CNTN4: variants seen among roughly 807,000 people sequenced by gnomAD.
The protein encoded by CNTN4 is contactin 4.
CNTN4 carries 77 observed loss-of-function variants against 122.5 expected under a neutral mutation model. The ratio of observed to expected loss-of-function variants is 0.63; its 90% CI spans 0.52 to 0.76. The LOEUF is 0.76. Among genes scored for constraint, CNTN4 ranks in the 30% least tolerant of loss-of-function variants. CNTN4 has a pLI of 0.00. For missense variants in CNTN4, 1,256 were observed against 1,259.1 expected (o/e 1.00, Z 0.04); for synonymous variants, 512 against 447.0 (o/e 1.15, Z -1.83).
intron 4 of CNTN4, among the ~76,000 whole-genome samples, chr3:2,649,793 T>C (rs1336813791): frequency 6.6e-6 from 1 of 151,854 alleles, no homozygotes; most frequent in Non-Finnish European, 1.5e-5. Context: ...GCAAAGTAAA[T>C]TGAAACTCTT....
chr3:3,042,317 C>A lies in CNTN4; in HGVS notation c.2406C>A (p.Thr802=). ...CTCCATATTCATCTACAGAACCCAC[C>A]AAACCACCAGCCAGTATCTTTGCCA... ...TVVYSAEEEP[T]KPPASIFARS... is the part of the protein sequence containing the mutation. The change falls in exon 21 of 25, where the codon ACC becomes ACA. Residue 802 remains threonine (T), a synonymous_variant. Coordinates refer to ENST00000418658, the MANE Select transcript of CNTN4 (RefSeq NM_175607.3). The A allele has an allele frequency of 6.2e-7, 1 of 1,613,786 alleles. No homozygotes were observed. The highest frequency in any genetic ancestry group is 8.5e-7 in the Non-Finnish European group (1 of 1,179,674).
chr3:2,231,294 A>G (rs947767078), intron 2 of CNTN4, among the ~76,000 whole-genome samples: 3 of 152,324 alleles, frequency 2.0e-5, no homozygotes, highest in Non-Finnish European at 2.9e-5. Context: ...TCTGAATAGC[A>G]TGATAGTACA....
At chr3:2,485,405 A>G (rs558063095) in intron 3 of CNTN4, among the ~76,000 whole-genome samples, 2 of 152,068 alleles carry the variant, frequency 1.3e-5, no homozygotes, top group Non-Finnish European at 2.9e-5. Context: ...GAGAACCTTT[A>G]TGTCTAGCTA....
At chr3:2,476,625 G>A (rs1439062382) in intron 3 of CNTN4, among the ~76,000 whole-genome samples, 1 of 152,188 alleles carries the variant, frequency 6.6e-6, no homozygotes, top group Non-Finnish European at 1.5e-5. Context: ...GAGACAGGAA[G>A]TAGAATAGTA....
chr3:2,847,959 T>A (rs564534334), intron 7 of CNTN4, among the ~76,000 whole-genome samples: 6 of 152,212 alleles, frequency 3.9e-5, no homozygotes, highest in Non-Finnish European at 8.8e-5. Flanking sequence ...TGGTATTGTA[T>A]CTAAAATACT....
chr3:2,830,028 A>G (rs2093068701), intron 7 of CNTN4, among the ~76,000 whole-genome samples: 2 of 152,224 alleles, frequency 1.3e-5, no homozygotes, highest in Admixed American at 6.5e-5. Context: ...TTGTTCAGAA[A>G]AAAAATAATA....
intron 3 of CNTN4, among the ~76,000 whole-genome samples, chr3:2,561,109 C>T (rs537726920): frequency 3.3e-5 from 5 of 152,260 alleles, no homozygotes; most frequent in South Asian, 2.1e-4. Flanking sequence ...GAAAGTCACA[C>T]GGTTCTTGCC....
At chr3:2,299,576 A>C (rs2042431830) in intron 2 of CNTN4, among the ~76,000 whole-genome samples, 1 of 152,114 alleles carries the variant, frequency 6.6e-6, no homozygotes, top group Admixed American at 6.6e-5. Flanking sequence ...TTTATGCCAT[A>C]ATCTGATGCT....
Position 2,736,294 on chromosome 3 carries a change from AG to A in CNTN4, c.136del (p.Val46Ter). 6.2e-7 allele frequency: 1 copy of A among 1,613,842 alleles called. No homozygotes were observed. The highest frequency in any genetic ancestry group is 8.5e-7 in the Non-Finnish European group (1 of 1,179,836). On this transcript the variant is annotated frameshift_variant, in exon 5 of 25. Transcript: ENST00000418658. LOFTEE classifies it high-confidence loss of function. ...TCCCTTTGGATTCTGAGGAGAAAAAAGTGAAGCTCAATTGTGAAGTTAAAGG... is the reference window on the plus strand; with the variant it reads ...TCCCTTTGGATTCTGAGGAGAAAAAATGAAGCTCAATTGTGAAGTTAAAGG... The part of the protein sequence containing the change: ...MFPLDSEEKK[V>X]KLNCEVKGNP...
At chr3:3,013,587 T>G (rs976043740) in intron 14 of CNTN4, among the ~76,000 whole-genome samples, 4 of 152,158 alleles carry the variant, frequency 2.6e-5, no homozygotes, top group Admixed American at 2.6e-4. Context: ...GCATCCTGCA[T>G]GAAAAGTGCC....
intron 20 of CNTN4, 93 bp from the exon 21 acceptor site, chr3:3,042,217 A>G: frequency 1.1e-6 from 1 of 944,226 alleles, no homozygotes; most frequent in Non-Finnish European, 1.7e-6. Flanking sequence ...ACGATTCTAT[A>G]ACCATGAATT....
At chr3:2,605,587 G>A (rs1481301853) in intron 4 of CNTN4, among the ~76,000 whole-genome samples, 1 of 152,168 alleles carries the variant, frequency 6.6e-6, no homozygotes, top group African/African-American at 2.4e-5. Context: ...TGCAGCAATC[G>A]ATGTAAGATA....
At chr3:2,287,359 T>C in intron 2 of CNTN4, among the ~76,000 whole-genome samples, 1 of 152,040 alleles carries the variant, frequency 6.6e-6, no homozygotes, top group East Asian at 1.9e-4. Flanking sequence ...CCTAACACTT[T>C]GGGAGGCCGA....
chr3:2,786,697 T>A (rs1384731923), intron 6 of CNTN4, among the ~76,000 whole-genome samples: 3 of 152,202 alleles, frequency 2.0e-5, no homozygotes, highest in Non-Finnish European at 2.9e-5. Flanking sequence ...GAAATTTTTT[T>A]AAAAAGCTTC....
intron 14 of CNTN4, among the ~76,000 whole-genome samples, chr3:2,996,084 A>G (rs527584256): frequency 3.5e-4 from 54 of 152,210 alleles, no homozygotes; most frequent in Non-Finnish European, 7.1e-4. Context: ...CACATGCGGC[A>G]TAAGCCCTAA....
intron 4 of CNTN4, among the ~76,000 whole-genome samples, chr3:2,626,863 A>T (rs2082210089): frequency 6.6e-6 from 1 of 152,228 alleles, no homozygotes; most frequent in Admixed American, 6.5e-5. Flanking sequence ...CTAGGCCTCC[A>T]CATCTGGATA....
intron 3 of CNTN4, among the ~76,000 whole-genome samples, chr3:2,493,120 C>T (rs1198646255): frequency 2.0e-5 from 3 of 152,120 alleles, no homozygotes; most frequent in East Asian, 3.9e-4. Flanking sequence ...GCATTTCCAT[C>T]CTTCAACCCA....
At chr3:2,416,885 A>T (rs1182963270) in intron 3 of CNTN4, among the ~76,000 whole-genome samples, 1 of 151,542 alleles carries the variant, frequency 6.6e-6, no homozygotes, top group Non-Finnish European at 1.5e-5. Context: ...CGAGCTCCTG[A>T]CCTTGTGATC....
chr3:2,325,978 T>G (rs1310084106), intron 2 of CNTN4, among the ~76,000 whole-genome samples: 1 of 152,192 alleles, frequency 6.6e-6, no homozygotes, highest in Non-Finnish European at 1.5e-5. Context: ...AATAAATATT[T>G]CTTTTAGAGG....
Sources: gnomAD v4.1 joint callset for allele counts (sites outside exome capture counted in the v4.1 genomes callset) on GRCh38, gnomAD v4.1.1 for gene constraint, MANE v1.5 for transcripts, NCBI Gene and HGNC (gene_info 2026-07-23, HGNC 2026-07-21) for gene names.